The following FGF13 variants were observed in gnomAD, a reference collection of about 807,000 sequenced individuals.
The protein encoded by FGF13 is fibroblast growth factor homologous factor 2.
A neutral mutation model predicts 19.5 loss-of-function variants in FGF13; 2 were observed. The ratio of observed to expected loss-of-function variants is 0.10; its 90% CI spans 0.04 to 0.32. The LOEUF is 0.32. Ranked by LOEUF, FGF13 falls within the 10% of genes least tolerant of loss-of-function variation. The pLI is 1.00. For missense variants in FGF13, 113 were observed against 192.7 expected (o/e 0.59, Z 2.45); for synonymous variants, 72 against 76.9 (o/e 0.94, Z 0.33).
chrX:138,632,349 GAA>G lies in FGF13; in HGVS notation c.*499_*500del, dbSNP rs1762471234. On this transcript the variant is annotated 3_prime_UTR_variant, in exon 5 of 5. Coordinates refer to ENST00000315930, the MANE Select transcript of FGF13 (RefSeq NM_004114.5). ...AATCATAAAGTTGCACTATGCCAAA[GAA>G]AAGAGTACATGTGAATCAAGCGTAG... 8.9e-6 allele frequency: 1 copy of G among 112,254 alleles called. No homozygotes were observed. Among genetic ancestry groups the G allele is most frequent in the African/African-American group, 3.2e-5 (1 of 30,807 alleles). 9.3% of individuals were successfully genotyped at this position (112,254 alleles called of 1,213,427 possible).
intron 1 of FGF13, among the ~76,000 whole-genome samples, chrX:139,120,954 A>G (rs1465327278): frequency 8.9e-6 from 1 of 112,664 alleles, no homozygotes; most frequent in African/African-American, 3.2e-5. Flanking sequence ...CCATAAACGT[A>G]CAATTATGAC....
Position 138,628,501 on chromosome X carries a change from T to C in FGF13, c.*4349A>G, listed in dbSNP as rs1428052344. On this transcript the variant is annotated 3_prime_UTR_variant, in exon 5 of 5. Transcript: ENST00000315930. ...AAAAGCGTAGATTGTCTTGCAGAGA[T>C]TGTTAAAGACTCTGCCAGTGAAGGC... The C allele has an allele frequency of 8.9e-6, 1 of 112,059 alleles. No homozygotes were observed. The highest frequency in any genetic ancestry group is 2.8e-4 in the East Asian group (1 of 3,544). The allele number at this position is 112,059 out of a possible 1,213,427, so 9.2% of individuals were successfully genotyped here.
intron 3 of FGF13, among the ~76,000 whole-genome samples, chrX:138,678,162 C>T (rs1374609852): frequency 1.8e-5 from 2 of 110,804 alleles, no homozygotes; most frequent in Non-Finnish European, 3.8e-5. Context: ...GGGAACATCA[C>T]ACTCTGGGGA....
intron 1 of FGF13, among the ~76,000 whole-genome samples, chrX:138,951,227 C>G (rs2091809525): frequency 9.0e-6 from 1 of 111,606 alleles, no homozygotes; most frequent in Admixed American, 9.6e-5. Context: ...TCAGCTTACT[C>G]TGATAACAAT....
At chrX:138,917,176 A>G (rs1418950543) in intron 1 of FGF13, among the ~76,000 whole-genome samples, 2 of 111,966 alleles carry the variant, frequency 1.8e-5, no homozygotes, top group Non-Finnish European at 3.8e-5. Context: ...TGCCTCCTGC[A>G]CTGTTATGGA....
At chrX:139,004,327 GC>G (rs1184268001) in intron 1 of FGF13, among the ~76,000 whole-genome samples, 9 of 112,793 alleles carry the variant, frequency 8.0e-5, no homozygotes, top group Non-Finnish European at 1.5e-4. Context: ...TGAGTGCGGG[GC>G]CCGCCAAGCC....
At chrX:139,063,894 C>T (rs1164266390) in intron 1 of FGF13, among the ~76,000 whole-genome samples, 1 of 111,548 alleles carries the variant, frequency 9.0e-6, no homozygotes, top group African/African-American at 3.3e-5. Context: ...CTTCCATACC[C>T]TCAATACTTG....
intron 1 of FGF13, among the ~76,000 whole-genome samples, chrX:138,984,576 AAGAAGAAGAAGAAGG>A (rs1173350390): frequency 4.1e-4 from 22 of 53,537 alleles, no homozygotes; most frequent in Non-Finnish European, 7.1e-4. Context: ...GAAGAAGAAG[AAGAAGAAGAAGAAGG>A]AGGAGGAGGA....
intron 3 of FGF13, among the ~76,000 whole-genome samples, chrX:138,772,204 C>T (rs1433141887): frequency 3.7e-5 from 4 of 107,877 alleles, no homozygotes; most frequent in Non-Finnish European, 7.7e-5. Flanking sequence ...AAGAATTAAA[C>T]GTGATAATGC....
intron 3 of FGF13, among the ~76,000 whole-genome samples, chrX:138,772,786 C>T (rs191203165): frequency 6.8e-4 from 75 of 110,882 alleles, no homozygotes; most frequent in African/African-American, 2.3e-3. Context: ...CTTTGAAAAC[C>T]GTCAAAATCC....
chrX:138,893,780 C>T (rs1437272884), intron 1 of FGF13, among the ~76,000 whole-genome samples: 1 of 111,374 alleles, frequency 9.0e-6, no homozygotes, highest in Non-Finnish European at 1.9e-5. Flanking sequence ...AGCATAGACA[C>T]CCACATATTG....
At chrX:138,684,490 T>C (rs2089759945) in intron 3 of FGF13, among the ~76,000 whole-genome samples, 1 of 111,870 alleles carries the variant, frequency 8.9e-6, no homozygotes, top group South Asian at 3.7e-4. Context: ...TTACTAAATA[T>C]TGGTAAAATA....
chrX:139,158,022 C>T (rs959094799), intron 1 of FGF13, among the ~76,000 whole-genome samples: 1 of 111,845 alleles, frequency 8.9e-6, no homozygotes, highest in African/African-American at 3.3e-5. Context: ...ACTCCCTCCC[C>T]TAGCCAATGG....
intron 1 of FGF13, among the ~76,000 whole-genome samples, chrX:139,049,289 T>G (rs1394082176): frequency 9.0e-6 from 1 of 110,783 alleles, no homozygotes; most frequent in Non-Finnish European, 1.9e-5. Flanking sequence ...AATTAGCTTT[T>G]TTTCTGTTTC....
intron 1 of FGF13, among the ~76,000 whole-genome samples, chrX:139,122,175 G>A (rs1603209378): frequency 1.8e-5 from 2 of 111,215 alleles, no homozygotes; most frequent in South Asian, 7.7e-4. Context: ...GTCCCTTCAG[G>A]GTCAGTAAGG....
chrX:138,995,848 G>A (rs1190100861), intron 1 of FGF13, among the ~76,000 whole-genome samples: 2 of 111,861 alleles, frequency 1.8e-5, no homozygotes, highest in Non-Finnish European at 3.8e-5. Context: ...TGGGTCGAAT[G>A]GTAGTTCTGC....
chrX:139,097,356 A>G (rs1698112761), intron 1 of FGF13, among the ~76,000 whole-genome samples: 1 of 111,468 alleles, frequency 9.0e-6, no homozygotes, highest in African/African-American at 3.3e-5. Context: ...AAGGAAGTTT[A>G]CTAATTTGTG....
chrX:138,827,884 TATC>T (rs990082595), intron 3 of FGF13, among the ~76,000 whole-genome samples: 5 of 112,141 alleles, frequency 4.5e-5, no homozygotes, highest in African/African-American at 1.6e-4. Flanking sequence ...AGTTGAATCT[TATC>T]ATTGTCTCTA....
intron 1 of FGF13, chrX:138,985,108 C>T: frequency 2.8e-6 from 1 of 359,110 alleles, no homozygotes; most frequent in Admixed American, 2.8e-5. Context: ...AGTAAGGAAA[C>T]AAAACATCAA....
Sources: gnomAD v4.1 joint callset for allele counts (sites outside exome capture counted in the v4.1 genomes callset) on GRCh38, gnomAD v4.1.1 for gene constraint, MANE v1.5 for transcripts, NCBI Gene and HGNC (gene_info 2026-07-23, HGNC 2026-07-21) for gene names.